Variants in FHIT observed in about 807,000 individuals in gnomAD.
The protein encoded by FHIT is fragile histidine triad diadenosine triphosphatase, also known as bis(5'-adenosyl)-triphosphatase.
Under a neutral mutation model 17.9 loss-of-function variants are expected in FHIT, and 19 were observed. The ratio of observed to expected loss-of-function variants is 1.06; its 90% CI spans 0.74 to 1.56. FHIT has a LOEUF of 1.56. FHIT is among the 40% of genes most tolerant of loss of function. The pLI is 0.00. For synonymous variants in FHIT, 81 were observed against 69.7 expected (o/e 1.16, Z -0.81); for missense variants, 248 against 189.2 (o/e 1.31, Z -1.82).
intron 5 of FHIT, among the ~76,000 whole-genome samples, chr3:60,216,394 A>T (rs1703699967): frequency 6.6e-6 from 1 of 152,194 alleles, no homozygotes; most frequent in African/African-American, 2.4e-5. Context: ...ATACCAATTC[A>T]GTGAAAAAGC....
intron 3 of FHIT, among the ~76,000 whole-genome samples, chr3:60,874,231 T>C (rs142972739): frequency 2.6e-5 from 4 of 152,166 alleles, no homozygotes; most frequent in African/African-American, 9.7e-5. Flanking sequence ...TAGTATTTAT[T>C]AAACTCTAAA....
chr3:59,864,076 T>A (rs9311729), intron 8 of FHIT, among the ~76,000 whole-genome samples: 5,143 of 152,266 alleles, frequency 0.034, 152 homozygotes, highest in African/African-American at 0.077. Flanking sequence ...ACCAGCAAGA[T>A]CGCAGATGGC....
chr3:60,518,938 G>A (rs1283831166), intron 5 of FHIT, among the ~76,000 whole-genome samples: 1 of 152,182 alleles, frequency 6.6e-6, no homozygotes, highest in Non-Finnish European at 1.5e-5. Flanking sequence ...AGGAGGTGGA[G>A]GTTGCAGTGA....
intron 4 of FHIT, among the ~76,000 whole-genome samples, chr3:60,624,903 T>TTG (rs1553680345): frequency 3.3e-5 from 5 of 150,044 alleles, no homozygotes; most frequent in South Asian, 2.1e-4. Flanking sequence ...TAGTTTTTTT[T>TTG]TTTGTTTGTT....
At chr3:60,334,214 C>A (rs1424533578) in intron 5 of FHIT, among the ~76,000 whole-genome samples, 1 of 152,142 alleles carries the variant, frequency 6.6e-6, no homozygotes, top group East Asian at 1.9e-4. Flanking sequence ...TAGTTATATG[C>A]TGAGCCAATC....
intron 4 of FHIT, among the ~76,000 whole-genome samples, chr3:60,589,286 C>T (rs149735688): frequency 6.6e-6 from 1 of 151,922 alleles, no homozygotes; most frequent in Non-Finnish European, 1.5e-5. Context: ...CCTTCCAGGC[C>T]CAACCACTTC....
At chr3:60,808,009 G>C (rs1253185388) in intron 4 of FHIT, among the ~76,000 whole-genome samples, 1 of 152,148 alleles carries the variant, frequency 6.6e-6, no homozygotes, top group African/African-American at 2.4e-5. Context: ...AGTGTGAATA[G>C]GCCATGAACA....
intron 5 of FHIT, among the ~76,000 whole-genome samples, chr3:60,126,429 G>T (rs1330759993): frequency 1.3e-5 from 2 of 152,140 alleles, no homozygotes; most frequent in Non-Finnish European, 2.9e-5. Flanking sequence ...AGGGAATACA[G>T]TAACAAACAA....
At chr3:61,240,366 T>A (rs1211339724) in intron 1 of FHIT, among the ~76,000 whole-genome samples, 2 of 152,158 alleles carry the variant, frequency 1.3e-5, no homozygotes, top group African/African-American at 4.8e-5. Context: ...CAGGCACCAG[T>A]CACATATACT....
chr3:61,027,557 C>G (rs188883223), intron 3 of FHIT, among the ~76,000 whole-genome samples: 1 of 152,306 alleles, frequency 6.6e-6, no homozygotes, highest in Admixed American at 6.5e-5. Flanking sequence ...AATCAAGACT[C>G]AATATCATTT....
chr3:61,148,660 A>G (rs1298238803), intron 2 of FHIT, among the ~76,000 whole-genome samples: 3 of 152,210 alleles, frequency 2.0e-5, no homozygotes, highest in Non-Finnish European at 4.4e-5. Flanking sequence ...AACTTCCATG[A>G]ACATTCTTGT....
intron 8 of FHIT, among the ~76,000 whole-genome samples, chr3:59,791,032 C>T (rs78833803): frequency 0.013 from 1,930 of 152,278 alleles, 40 homozygotes; most frequent in African/African-American, 0.044. Flanking sequence ...TTCTCCCTGA[C>T]TTTGCCTGGG....
At chr3:59,836,462 C>T (rs1356307955) in intron 8 of FHIT, among the ~76,000 whole-genome samples, 1 of 152,160 alleles carries the variant, frequency 6.6e-6, no homozygotes, top group Non-Finnish European at 1.5e-5. Flanking sequence ...AAAACCTACT[C>T]AGGGTGTTTT....
chr3:60,110,319 C>T (rs887078421), intron 5 of FHIT, among the ~76,000 whole-genome samples: 31 of 152,158 alleles, frequency 2.0e-4, no homozygotes, highest in African/African-American at 6.8e-4. Flanking sequence ...TCTCTCAACT[C>T]ATTTCACCAT....
At chr3:60,982,143 A>G (rs1710523606) in intron 3 of FHIT, among the ~76,000 whole-genome samples, 2 of 152,210 alleles carry the variant, frequency 1.3e-5, no homozygotes. Flanking sequence ...GTCTTCCTAG[A>G]CTTAAAACCC....
chr3:60,205,556 CA>C (rs1394448038), intron 5 of FHIT, among the ~76,000 whole-genome samples: 1 of 152,000 alleles, frequency 6.6e-6, no homozygotes, highest in Non-Finnish European at 1.5e-5. Flanking sequence ...TTGGGGAGTT[CA>C]AAAGGAAGTT....
chr3:61,111,022 A>G (rs543635069), intron 2 of FHIT, among the ~76,000 whole-genome samples: 2 of 152,352 alleles, frequency 1.3e-5, no homozygotes, highest in South Asian at 4.1e-4. Flanking sequence ...CAAACATTTT[A>G]TACTGAATTT....
chr3:59,831,769 CCAGTT>C (rs889828938), intron 8 of FHIT, among the ~76,000 whole-genome samples: 7 of 151,888 alleles, frequency 4.6e-5, no homozygotes, highest in African/African-American at 1.7e-4. Context: ...TGTAACCAGA[CCAGTT>C]AAGGTGGAAA....
intron 5 of FHIT, among the ~76,000 whole-genome samples, chr3:60,102,584 A>G (rs755510095): frequency 2.6e-5 from 4 of 152,044 alleles, no homozygotes; most frequent in Non-Finnish European, 5.9e-5. Context: ...CTGTAAATCC[A>G]TAGTTGGCTA....
Sources: gnomAD v4.1 joint callset for allele counts (sites outside exome capture counted in the v4.1 genomes callset) on GRCh38, gnomAD v4.1.1 for gene constraint, MANE v1.5 for transcripts, NCBI Gene and HGNC (gene_info 2026-07-23, HGNC 2026-07-21) for gene names.